The following RHBDD1 variants were observed in gnomAD, a reference collection of about 807,000 sequenced individuals.
RHBDD1 encodes rhomboid-related protein 4.
A neutral mutation model predicts 36.3 loss-of-function variants in RHBDD1; 38 were observed. The ratio of observed to expected loss-of-function variants is 1.05; its 90% CI spans 0.81 to 1.37. The LOEUF (loss-of-function observed/expected upper bound fraction) is 1.37. RHBDD1 is among the 40% of genes most tolerant of loss of function. The pLI, the probability that RHBDD1 is intolerant of heterozygous loss-of-function variation, is 0.00. For missense variants in RHBDD1, 393 were observed against 377.6 expected (o/e 1.04, Z -0.34); for synonymous variants, 151 against 136.5 (o/e 1.11, Z -0.74).
intron 5 of RHBDD1, among the ~76,000 whole-genome samples, chr2:226,868,734 A>G (rs540240429): frequency 6.6e-6 from 1 of 152,288 alleles, no homozygotes; most frequent in South Asian, 2.1e-4. Context: ...CTTTAATGCT[A>G]ATTTCCCATC....
chr2:226,984,176 C>T (rs759096014), intron 8 of RHBDD1, among the ~76,000 whole-genome samples: 10 of 152,268 alleles, frequency 6.6e-5, no homozygotes, highest in Admixed American at 1.3e-4. Flanking sequence ...ACAGCCAGCA[C>T]CTGCTGAACT....
intron 7 of RHBDD1, among the ~76,000 whole-genome samples, chr2:226,909,133 CAT>C (rs1021998426): frequency 4.6e-5 from 7 of 152,030 alleles, no homozygotes; most frequent in African/African-American, 1.4e-4. Flanking sequence ...TGAGGTCTCT[CAT>C]GTGTGATAAG....
At chr2:226,906,722 C>G (rs1483744896) in intron 5 of RHBDD1, 71 bp from the exon 6 acceptor site, 3 of 1,612,052 alleles carry the variant, frequency 1.9e-6, no homozygotes, top group Non-Finnish European at 1.7e-6. Flanking sequence ...ATGCACTGGG[C>G]TAATGAGAAG....
intron 8 of RHBDD1, among the ~76,000 whole-genome samples, chr2:226,914,802 T>C (rs1326057265): frequency 6.6e-6 from 1 of 152,208 alleles, no homozygotes; most frequent in East Asian, 1.9e-4. Context: ...TGAACCAATC[T>C]GTCTGGGGGT....
chr2:226,856,108 GTAGAATA>G (rs1007524498), intron 3 of RHBDD1, among the ~76,000 whole-genome samples: 2 of 152,062 alleles, frequency 1.3e-5, no homozygotes, highest in Admixed American at 6.6e-5. Flanking sequence ...ATCAACTCAG[GTAGAATA>G]TGCATTCTGG....
At chr2:226,846,568 A>G (rs577578024) in intron 3 of RHBDD1, among the ~76,000 whole-genome samples, 2 of 152,090 alleles carry the variant, frequency 1.3e-5, no homozygotes, top group Admixed American at 6.5e-5. Context: ...ACATGGTGAA[A>G]CCTTGTCTCT....
intron 8 of RHBDD1, among the ~76,000 whole-genome samples, chr2:226,986,039 T>C (rs140686152): frequency 2.6e-5 from 4 of 152,368 alleles, no homozygotes; most frequent in African/African-American, 9.6e-5. Flanking sequence ...CGTTGATATG[T>C]GATGAGGGCA....
chr2:226,991,157 T>G (rs1228631479), intron 8 of RHBDD1, among the ~76,000 whole-genome samples: 3 of 152,228 alleles, frequency 2.0e-5, no homozygotes, highest in Admixed American at 2.0e-4. Context: ...AGCTCTGTAT[T>G]TTAAGAAGTC....
the RHBDD1 span, among the ~76,000 whole-genome samples, chr2:226,817,911 A>G: frequency 2.0e-5 from 3 of 152,206 alleles, no homozygotes; most frequent in South Asian, 4.1e-4. Flanking sequence ...ATGTTGACAG[A>G]TACCCTTTAT....
At chr2:226,895,953 G>A (rs1321434009) in intron 5 of RHBDD1, 1 of 290,326 alleles carries the variant, frequency 3.4e-6, no homozygotes, top group African/African-American at 2.3e-5. Flanking sequence ...GAAAATAAGA[G>A]GGATGTTACC....
At chr2:226,835,988 C>T (rs886370766), upstream of RHBDD1, 1 of 152,672 alleles carries the variant, frequency 6.5e-6, no homozygotes, top group Non-Finnish European at 1.5e-5. Flanking sequence ...CCTCCCCTCC[C>T]GCACCCGGCC....
intron 5 of RHBDD1, among the ~76,000 whole-genome samples, chr2:226,878,851 AT>A (rs1945458328): frequency 6.6e-6 from 1 of 152,200 alleles, no homozygotes; most frequent in Non-Finnish European, 1.5e-5. Flanking sequence ...GAAAAGTAGA[AT>A]GAAAAGTGTG....
chr2:226,936,774 G>A (rs1027599946), intron 8 of RHBDD1, among the ~76,000 whole-genome samples: 1 of 151,998 alleles, frequency 6.6e-6, no homozygotes, highest in African/African-American at 2.4e-5. Flanking sequence ...CATTTTAGGC[G>A]GTTAAGTACT....
intron 6 of RHBDD1, chr2:226,907,111 A>G (rs990157115): frequency 1.0e-5 from 6 of 593,174 alleles, no homozygotes; most frequent in African/African-American, 7.4e-5. Flanking sequence ...GGGGACAAAT[A>G]TCAGTATATA....
intron 5 of RHBDD1, among the ~76,000 whole-genome samples, chr2:226,896,887 C>T (rs1349951496): frequency 1.3e-5 from 2 of 152,146 alleles, no homozygotes; most frequent in African/African-American, 4.8e-5. Context: ...ACTACAACCT[C>T]TGTCCCCGGG....
At chr2:226,829,452 T>G in the RHBDD1 span, among the ~76,000 whole-genome samples, 1 of 152,320 alleles carries the variant, frequency 6.6e-6, no homozygotes, top group African/African-American at 2.4e-5. Flanking sequence ...TATAGGTTAA[T>G]TTAAGAAGGA....
At chr2:226,870,125 A>G (rs1255194100) in intron 5 of RHBDD1, among the ~76,000 whole-genome samples, 1 of 152,202 alleles carries the variant, frequency 6.6e-6, no homozygotes, top group Non-Finnish European at 1.5e-5. Context: ...GAGCGGTTGA[A>G]TGTGACAGGG....
At chr2:226,952,973 A>G (rs1466884300) in intron 8 of RHBDD1, among the ~76,000 whole-genome samples, 1 of 152,154 alleles carries the variant, frequency 6.6e-6, no homozygotes, top group Admixed American at 6.5e-5. Flanking sequence ...GAAAGTGGTA[A>G]TGGTTTCCTT....
At chr2:226,889,892 A>G (rs991377807) in intron 5 of RHBDD1, among the ~76,000 whole-genome samples, 5 of 152,152 alleles carry the variant, frequency 3.3e-5, no homozygotes, top group Non-Finnish European at 5.9e-5. Context: ...CCTTGATTCA[A>G]TTACTTTTCT....
Sources: gnomAD v4.1 joint callset for allele counts (sites outside exome capture counted in the v4.1 genomes callset) on GRCh38, gnomAD v4.1.1 for gene constraint, MANE v1.5 for transcripts, NCBI Gene and HGNC (gene_info 2026-07-23, HGNC 2026-07-21) for gene names.